Variants in CEP128 observed in about 807,000 individuals in gnomAD.
CEP128 encodes the protein centrosomal protein 128, also known as centrosomal protein 128kDa.
CEP128 carries 132 observed loss-of-function variants against 156.7 expected under a neutral mutation model. That is an observed-to-expected ratio of 0.84 (90% CI 0.73 to 0.97). The LOEUF (loss-of-function observed/expected upper bound fraction) is 0.97. Ranked by LOEUF, CEP128 falls within the 50% of genes least tolerant of loss-of-function variation. The pLI is 0.00. For synonymous variants in CEP128, 469 were observed against 448.9 expected, an observed-to-expected ratio of 1.04 and a Z score of -0.57; for missense variants, 1,252 against 1,281.9, an observed-to-expected ratio of 0.98 and a Z score of 0.36.
chr14:80,486,640 A>G (rs1299235056), downstream of CEP128, among the ~76,000 whole-genome samples: 1 of 152,236 alleles, frequency 6.6e-6, no homozygotes. Context: ...TTACCCACAA[A>G]GGGAAGCCCA....
intron 9 of CEP128, among the ~76,000 whole-genome samples, chr14:80,841,097 A>G (rs1364995703): frequency 6.6e-6 from 1 of 152,166 alleles, no homozygotes; most frequent in Non-Finnish European, 1.5e-5. Context: ...GAGGAAAAAG[A>G]AAGTTAAGAA....
chr14:80,790,399 C>A (rs575171414), intron 14 of CEP128, among the ~76,000 whole-genome samples: 1 of 152,106 alleles, frequency 6.6e-6, no homozygotes, highest in South Asian at 2.1e-4. Flanking sequence ...TCAAACAGTA[C>A]CTTAAAAGAA....
intron 20 of CEP128, among the ~76,000 whole-genome samples, chr14:80,568,673 C>T (rs1308802437): frequency 6.6e-6 from 1 of 152,114 alleles, no homozygotes; most frequent in Non-Finnish European, 1.5e-5. Flanking sequence ...GAGATTAAAA[C>T]TATTATTAAT....
chr14:80,954,837 T>C (rs1886569561), intron 2 of CEP128, among the ~76,000 whole-genome samples: 1 of 152,248 alleles, frequency 6.6e-6, no homozygotes, highest in Non-Finnish European at 1.5e-5. Context: ...AATGAAATTC[T>C]TGGGTCGACC....
chr14:80,952,683 CAA>C (rs370425616), intron 2 of CEP128, among the ~76,000 whole-genome samples: 2 of 145,850 alleles, frequency 1.4e-5, no homozygotes. Context: ...AAATAGAGCA[CAA>C]AAAAAAATAG....
intron 13 of CEP128, among the ~76,000 whole-genome samples, chr14:80,801,959 G>A (rs1016891627): frequency 7.7e-6 from 1 of 129,782 alleles, no homozygotes. Context: ...CTGATCATGA[G>A]AGAAATGCAA....
chr14:80,745,005 T>TA (rs1899027348), intron 18 of CEP128, among the ~76,000 whole-genome samples: 1 of 152,162 alleles, frequency 6.6e-6, no homozygotes, highest in Non-Finnish European at 1.5e-5. Flanking sequence ...CAGCAACCTA[T>TA]AAAATGAACA....
intron 16 of CEP128, among the ~76,000 whole-genome samples, chr14:80,763,241 T>A (rs934993203): frequency 6.6e-6 from 1 of 152,180 alleles, no homozygotes; most frequent in African/African-American, 2.4e-5. Flanking sequence ...GGAGTTTCAT[T>A]CTTCTAGGTA....
intron 2 of CEP128, among the ~76,000 whole-genome samples, chr14:80,947,760 T>C (rs1886378355): frequency 6.6e-6 from 1 of 152,102 alleles, no homozygotes; most frequent in South Asian, 2.1e-4. Flanking sequence ...AAGAGAGGAA[T>C]AGGAGGTTGG....
rs147137913 is a variant in CEP128, at chr14:80,955,825, A to G, written c.-172+2353T>C. On this transcript the variant is annotated intron_variant, in intron 2 of 7. Coordinates refer to the CEP128 transcript ENST00000555529. Reference sequence around the variant, plus strand: ...CTGCAAGGATATTCAACGCATCCCCAGCTTACCGCCCAGTACGCAGACTCT... The same window carrying G: ...CTGCAAGGATATTCAACGCATCCCCGGCTTACCGCCCAGTACGCAGACTCT... 1.1e-4 allele frequency: 176 copies of G among 1,614,078 alleles called. No homozygotes were observed. In the African/African-American group the frequency reaches 1.8e-3, roughly 16 times the overall value.
At chr14:80,482,852 T>C (rs1887083573) in intron 14 of CEP128, among the ~76,000 whole-genome samples, 1 of 152,176 alleles carries the variant, frequency 6.6e-6, no homozygotes, top group Admixed American at 6.5e-5. Flanking sequence ...TAGCAGACGC[T>C]TAGCCCAAGT....
intron 19 of CEP128, among the ~76,000 whole-genome samples, chr14:80,616,161 T>G (rs1893203603): frequency 6.6e-6 from 1 of 152,198 alleles, no homozygotes; most frequent in African/African-American, 2.4e-5. Flanking sequence ...TTAACAAAAC[T>G]TAAAAATTTG....
intron 19 of CEP128, among the ~76,000 whole-genome samples, chr14:80,703,477 TA>T (rs2139372580): frequency 6.6e-6 from 1 of 152,018 alleles, no homozygotes; most frequent in African/African-American, 2.4e-5. Flanking sequence ...TTTAAAATTT[TA>T]AAAATCCAAA....
In CEP128 at chr14:80,664,192, C is replaced by T. The variant is rs557514827; in HGVS notation, c.2806+78883G>A. ...CTAAAAATCAGAAATAGGAGACGCC[C>T]TCTGATCTAGATGTCCTAAAAAAGA... On this transcript the variant is annotated intron_variant, in intron 19 of 24. Transcript: ENST00000555265. Among the ~76,000 whole-genome samples, 3 of 152,194 alleles carry T rather than the reference C, an allele frequency of 2.0e-5. No homozygotes were observed. The South Asian group carries it at 6.2e-4, about 32-fold the overall frequency.
At chr14:80,656,322 TA>T (rs869146527) in intron 19 of CEP128, among the ~76,000 whole-genome samples, 20 of 14,592 alleles carry the variant, frequency 1.4e-3, no homozygotes, top group African/African-American at 3.9e-3. Context: ...TATATATATA[TA>T]TATATATATA....
At chr14:80,583,858 G>C (rs1307421221) in intron 19 of CEP128, among the ~76,000 whole-genome samples, 3 of 152,132 alleles carry the variant, frequency 2.0e-5, no homozygotes, top group Non-Finnish European at 4.4e-5. Flanking sequence ...CAGAAACCTA[G>C]AAGAACTTTC....
At chr14:80,933,670 T>C (rs770647876) in intron 2 of CEP128, among the ~76,000 whole-genome samples, 4 of 152,166 alleles carry the variant, frequency 2.6e-5, no homozygotes, top group Non-Finnish European at 5.9e-5. Context: ...CTCATCTGTT[T>C]AGGGGCAAAT....
chr14:80,538,866 A>C (rs1028891477), intron 21 of CEP128, among the ~76,000 whole-genome samples: 3 of 152,192 alleles, frequency 2.0e-5, no homozygotes, highest in African/African-American at 7.2e-5. Context: ...CCATTGCCTC[A>C]TGAGCCTCAC....
intron 19 of CEP128, among the ~76,000 whole-genome samples, chr14:80,680,631 A>G (rs1035699189): frequency 3.3e-5 from 5 of 151,262 alleles, no homozygotes; most frequent in African/African-American, 1.2e-4. Flanking sequence ...GTATAGTAGG[A>G]CCCTCTGCAG....
Sources: allele counts gnomAD v4.1 joint callset (sites outside exome capture counted in the v4.1 genomes callset), GRCh38; gene constraint gnomAD v4.1.1; transcripts MANE v1.5; gene names NCBI Gene and HGNC (gene_info 2026-07-23, HGNC 2026-07-21).